The following STAB1 variants were observed in gnomAD, a reference collection of about 807,000 sequenced individuals.
The protein encoded by STAB1 is stabilin-1.
Under a neutral mutation model 332.4 loss-of-function variants are expected in STAB1, and 250 were observed. The ratio of observed to expected loss-of-function variants is 0.75; its 90% CI spans 0.68 to 0.84. STAB1 has a LOEUF of 0.84. STAB1 is among the 40% of genes least tolerant of loss of function. STAB1 has a pLI of 0.00. For synonymous variants in STAB1, 1,475 were observed against 1,390.4 expected, an observed-to-expected ratio of 1.06 and a Z score of -1.35; for missense variants, 3,249 against 3,489.7, an observed-to-expected ratio of 0.93 and a Z score of 1.74.
chr3:52,523,985 A>G lies in STAB1; in HGVS notation c.7510A>G (p.Lys2504Glu). The change falls in exon 67 of 69, where the codon AAG (lysine) becomes GAG (glutamate). Residue 2504 changes from lysine (K) to glutamate (E), a missense_variant. Coordinates refer to ENST00000321725, the MANE Select transcript of STAB1 (RefSeq NM_015136.3). ...AGCTCTCTACCTCCGTGCCCGAGGC[A>G]AGCCCATGGGCTTTGGCTTCTCTGC... ...AGALYLRARG[K>E]PMGFGFSAFQ... 6.2e-7 allele frequency: 1 copy of G among 1,612,078 alleles called. No homozygotes were observed. The highest frequency in any genetic ancestry group is 8.5e-7 in the Non-Finnish European group (1 of 1,179,912).
At chr3:52,517,658 GAGA>G (rs1559710316) in intron 44 of STAB1, 34 bp downstream of exon 44, 9 of 1,607,180 alleles carry the variant, frequency 5.6e-6, no homozygotes, top group South Asian at 4.4e-5. Flanking sequence ...CTTCACTGAC[GAGA>G]AGGAGAGGGG....
At chr3:52,513,020 C>G in intron 29 of STAB1, 62 bp downstream of exon 29, 1 of 1,576,872 alleles carries the variant, frequency 6.3e-7, no homozygotes, top group Non-Finnish European at 8.6e-7. Flanking sequence ...CCCTCCCCAG[C>G]GAGTCCTCAG....
rs200525221 is a variant in STAB1 at position 52,506,267 on chromosome 3, C to T, written c.1830+17C>T. ...TCTGAGGAGGTGAGGTGCACGGACA[C>T]CTGGGCGGATGGTGGGGCTGGCGGT... On this transcript the variant is annotated intron_variant, in intron 17 of 68. Transcript: ENST00000321725. The T allele has an allele frequency of 1.2e-5, 19 of 1,604,832 alleles. No individual in the cohort carries two copies. In the East Asian group the frequency reaches 2.9e-4, roughly 25 times the overall value.
Position 52,503,863 on chromosome 3 carries a change from G to C in STAB1, c.983G>C (p.Arg328Pro). The change falls in exon 9 of 69, where the codon CGG becomes CCG. Residue 328 changes from arginine (R) to proline (P), a missense_variant. By Grantham distance (103) the Arg-to-Pro change is moderately radical (BLOSUM62 -2). Coordinates refer to ENST00000321725, the MANE Select transcript of STAB1 (RefSeq NM_015136.3). ...TTCTGCTCCCCCTTCTCCTGCGACC[G>C]GTCTGCCACTTGCCAGGTGACCGCT... ...FAFCSPFSCD[R>P]SATCQVTADG... 6.2e-7 allele frequency: 1 copy of C among 1,613,156 alleles called. No homozygotes were observed. Among genetic ancestry groups the C allele is most frequent in the Non-Finnish European group, 8.5e-7 (1 of 1,180,006 alleles).
In STAB1 at chr3:52,517,942, G is replaced by A. The variant is rs1379170395; in HGVS notation, c.4700G>A (p.Cys1567Tyr). 2 of 1,610,858 alleles carry A rather than the reference G, an allele frequency of 1.2e-6. No homozygotes were observed. Among genetic ancestry groups the A allele is most frequent in the East Asian group, 2.2e-5 (1 of 44,872 alleles). Residue 1567 changes from cysteine (C) to tyrosine (Y), a missense_variant, in exon 45 of 69, where the codon TGT becomes TAT. Physicochemically the swap from Cys to Tyr is radical, Grantham distance 194. Transcript: ENST00000321725. ...AGCACAGGGGATGGCCAGAGGACAT[G>A]TACCTGCGACACAGCCCACACCGTG... ...CKSTGDGQRT[C>Y]TCDTAHTVGD... is the part of the protein sequence containing the mutation.
chr3:52,506,201 G>T lies in STAB1; in HGVS notation c.1781G>T (p.Arg594Leu). 6.2e-7 allele frequency: 1 copy of T among 1,612,730 alleles called. No homozygotes were observed. The highest frequency in any genetic ancestry group is 1.3e-5 in the African/African-American group (1 of 75,046). The change falls in exon 17 of 69, where the codon CGG (arginine) becomes CTG (leucine). Residue 594 changes from arginine (R) to leucine (L), a missense_variant. Coordinates refer to ENST00000321725, the MANE Select transcript of STAB1 (RefSeq NM_015136.3). ...GTTGAGAAGCTCATCTCCAAGGGTC[G>T]GATCCTCACCATGGCGAACCAGGTC... ...LTVEKLISKG[R>L]ILTMANQVLA... is the part of the protein sequence containing the mutation.
In STAB1 at chr3:52,503,011, G is replaced by A. The variant is rs1450492715; in HGVS notation, c.596G>A (p.Cys199Tyr). The change falls in exon 7 of 69, where the codon TGC becomes TAC. Residue 199 changes from cysteine (C) to tyrosine (Y), a missense_variant. Physicochemically the swap from Cys to Tyr is radical, Grantham distance 194. Coordinates refer to ENST00000321725, the MANE Select transcript of STAB1 (RefSeq NM_015136.3). Reference sequence around the variant, plus strand: ...CCACTCTGCGCAGAGCTGCCCGTCTGCCAGGAGCTGCGCTGTCCCCAGAAC... The same window carrying A: ...CCACTCTGCGCAGAGCTGCCCGTCTACCAGGAGCTGCGCTGTCCCCAGAAC... The part of the protein sequence containing the change: ...GPHCDQELPV[C>Y]QELRCPQNTQ... The A allele has an allele frequency of 6.3e-7, 1 of 1,587,416 alleles. No homozygotes were observed. The highest frequency in any genetic ancestry group is 8.6e-7 in the Non-Finnish European group (1 of 1,167,512).
chr3:52,514,223 T>A lies in STAB1; in HGVS notation c.3546+10T>A. ...CAACAGCAGTCACCTGGTGAGGCCG[T>A]GGGGATGGGGCAATGGCAGGGAGGG... On this transcript the variant is annotated intron_variant, in intron 33 of 68. Transcript: ENST00000321725. 6.2e-7 allele frequency: 1 copy of A among 1,612,554 alleles called. No individual in the cohort carries two copies. Among genetic ancestry groups the A allele is most frequent in the South Asian group, 1.1e-5 (1 of 91,034 alleles).
intron 48 of STAB1, 108 bp downstream of exon 48, chr3:52,518,977 G>A: frequency 7.7e-7 from 1 of 1,296,220 alleles, no homozygotes; most frequent in South Asian, 1.5e-5. Flanking sequence ...ACCTCCCCTA[G>A]CCAGGGGGCG....
At position 52,520,644 on chromosome 3, in the gene STAB1, C is replaced by T; in HGVS notation, c.5652C>T (p.Asn1884=). Residue 1884 remains asparagine (N), a splice_region_variant and synonymous_variant, in exon 54 of 69, where the codon AAC becomes AAT. Coordinates refer to ENST00000321725, the MANE Select transcript of STAB1 (RefSeq NM_015136.3). ...GTATTGGCCTCCCTCCCTTCCAGAA[C>T]ACCTGCAGCATCTGTGGGCTGGAGC... ...DHFETRPLRL[N]TCSICGLEPP... is the part of the protein sequence containing the mutation. 2.5e-6 allele frequency: 4 copies of T among 1,612,828 alleles called. No individual in the cohort carries two copies. The highest frequency in any genetic ancestry group is 3.4e-6 in the Non-Finnish European group (4 of 1,180,002).
At chr3:52,506,397 A>G in intron 17 of STAB1, 147 bp downstream of exon 17, 3 of 801,644 alleles carry the variant, frequency 3.7e-6, no homozygotes, top group South Asian at 1.7e-5. Context: ...GCAGGCAGAG[A>G]TCAAATTCCT....
intron 29 of STAB1, 63 bp downstream of exon 29, chr3:52,513,021 G>A (rs1004862918): frequency 4.4e-6 from 7 of 1,576,404 alleles, no homozygotes; most frequent in Admixed American, 1.9e-5. Flanking sequence ...CCTCCCCAGC[G>A]AGTCCTCAGC....
chr3:52,513,949 C>T lies in STAB1; in HGVS notation c.3415C>T (p.Pro1139Ser). ...QGLLQQLDLV[P>S]AFSLFRELLQ... ...GTTGCTGCAGCAGCTGGACTTGGTG[C>T]CTGCCTTCAGCCTCTTCCGGGAATT... Residue 1139 changes from proline (P) to serine (S), a missense_variant, in exon 32 of 69, where the codon CCT (proline) becomes TCT (serine). Physicochemically the swap from Pro to Ser is moderately conservative, Grantham distance 74 (BLOSUM62 -1). Transcript: ENST00000321725. 1 of 1,605,916 alleles carries T rather than the reference C, an allele frequency of 6.2e-7. No individual in the cohort carries two copies. Among genetic ancestry groups the T allele is most frequent in the Non-Finnish European group, 8.5e-7 (1 of 1,174,740 alleles).
intron 12 of STAB1, 30 bp downstream of exon 12, chr3:52,504,906 G>A (rs759855199): frequency 3.7e-6 from 6 of 1,613,406 alleles, no homozygotes; most frequent in East Asian, 2.2e-5. Context: ...CTGGGGACAA[G>A]AGGAGTCACA....
intron 34 of STAB1, 83 bp downstream of exon 34, chr3:52,514,579 G>A (rs2153233698): frequency 6.5e-7 from 1 of 1,550,230 alleles, no homozygotes; most frequent in Non-Finnish European, 8.7e-7. Flanking sequence ...CCCTAGCTGT[G>A]AGCCTCCAAC....
At chr3:52,513,841 T>C (rs1399316667) in intron 31 of STAB1, 42 bp from the exon 32 acceptor site, 2 of 1,612,862 alleles carry the variant, frequency 1.2e-6, no homozygotes, top group African/African-American at 1.3e-5. Flanking sequence ...AGGCAGGCCG[T>C]GAAGCAATGA....
chr3:52,514,117 C>G lies in STAB1; in HGVS notation c.3450C>G (p.His1150Gln), dbSNP rs955667894. The stretch of plus-strand genomic sequence containing the variant: ...CCTGACCTCCACCCCATCCCTAGCA[C>G]CATGGGTTGGTGCCCCAGATTGAGG... The part of the protein sequence containing the change: ...AFSLFRELLQ[H>Q]HGLVPQIEAA... The change falls in exon 33 of 69, where the codon CAC (histidine) becomes CAG (glutamine). Residue 1150 changes from histidine (H) to glutamine (Q), a missense_variant and splice_region_variant. By Grantham distance (24) the His-to-Gln change is conservative. Transcript: ENST00000321725. 1 of 1,613,350 alleles carries G rather than the reference C, an allele frequency of 6.2e-7. No individual in the cohort carries two copies. Among genetic ancestry groups the G allele is most frequent in the East Asian group, 2.2e-5 (1 of 44,884 alleles).
rs760064720 is a variant in STAB1 at position 52,503,064 on chromosome 3, T to C, written c.649T>C (p.Cys217Arg). ...CCAGTGCTCCGCAGAGGCTCCCAGC[T>C]GCAGGTGCCTGCCCGGCTACACACA... is the stretch of plus-strand genomic sequence containing the variant. Reference protein sequence around the residue: ...NTQCSAEAPSCRCLPGYTQQG... With the variant: ...NTQCSAEAPSRRCLPGYTQQG... Residue 217 changes from cysteine to arginine, a missense_variant, in exon 7 of 69, where the codon TGC (cysteine) becomes CGC (arginine). Physicochemically the swap from Cys to Arg is radical, Grantham distance 180. Transcript: ENST00000321725. 10 of 1,602,620 alleles carry C rather than the reference T, an allele frequency of 6.2e-6. No individual in the cohort carries two copies. In the South Asian group the frequency reaches 1.0e-4, roughly 16 times the overall value.
chr3:52,502,772 G>A (rs749869124), intron 6 of STAB1, 45 bp downstream of exon 6: 1 of 1,584,544 alleles, frequency 6.3e-7, no homozygotes. Flanking sequence ...GGTCCCTGTG[G>A]CCAGAGCAAA....
Sources: gnomAD v4.1 joint callset for allele counts on GRCh38, gnomAD v4.1.1 for gene constraint, MANE v1.5 for transcripts, NCBI Gene and HGNC (gene_info 2026-07-23, HGNC 2026-07-21) for gene names.